IK: variants seen among roughly 807,000 people sequenced by gnomAD.
IK encodes IK cytokine, also known as protein Red.
In IK, 47 loss-of-function variants were observed where a neutral mutation model predicts 90.9. The ratio of observed to expected loss-of-function variants is 0.52; its 90% CI spans 0.41 to 0.66. The LOEUF (loss-of-function observed/expected upper bound fraction) is 0.66, where lower values mean the gene tolerates loss of function less well. Ranked by LOEUF, IK falls within the 30% of genes least tolerant of loss-of-function variation. The pLI is 0.00. For synonymous variants in IK, 201 were observed against 227.5 expected (o/e 0.88, Z 1.05); for missense variants, 385 against 709.3 (o/e 0.54, Z 5.19).
At chr5:140,654,088 C>T (rs764575864) in intron 6 of IK, 36 bp downstream of exon 6, 15 of 1,181,064 alleles carry the variant, frequency 1.3e-5, no homozygotes, top group Admixed American at 1.2e-4. Flanking sequence ...GTAATACTGT[C>T]GTGCTGAATG....
chr5:140,661,490 A>G lies in IK; in HGVS notation c.1414-130A>G. On this transcript the variant is annotated intron_variant, in intron 16 of 19. Coordinates refer to ENST00000417647, the MANE Select transcript of IK (RefSeq NM_006083.4). The surrounding 1 kb of genome is among the most constrained non-coding windows in gnomAD (Gnocchi z 4.2). ...AAGTATGTAATAAGCATTTATTATTACTTATCAGGGTATGATTTATGAATT... is the reference window on the plus strand; with the variant it reads ...AAGTATGTAATAAGCATTTATTATTGCTTATCAGGGTATGATTTATGAATT... The G allele has an allele frequency of 1.6e-6, 1 of 640,300 alleles. No individual in the cohort carries two copies. 39.7% of individuals were successfully genotyped at this position (640,300 alleles called of 1,614,324 possible). A position where few individuals can be genotyped will look rare whatever the true frequency, so the allele number is the denominator to read the frequency against.
intron 6 of IK, 28 bp downstream of exon 6, chr5:140,654,080 A>G: frequency 7.7e-7 from 1 of 1,297,660 alleles, no homozygotes; most frequent in Non-Finnish European, 1.1e-6. Flanking sequence ...GGTGGGGAGT[A>G]ATACTGTCGT....
rs149950597 is a variant in IK at position 140,657,681 on chromosome 5, A to G, written c.910+19A>G. 2.2e-4 allele frequency: 330 copies of G among 1,534,558 alleles called. No individual in the cohort carries two copies. In the African/African-American group the frequency reaches 4.1e-3, roughly 19 times the overall value. On this transcript the variant is annotated intron_variant, in intron 10 of 19. Transcript: ENST00000417647. ...GATAAAGGTACCTGGAGGGTTAGAG[A>G]GAGAAGCCTTACCCACAGAGGACGT...
In IK at chr5:140,651,997, T is replaced by C; in HGVS notation, c.177-91T>C. ...GAAAGTGTTACTTTGATCAGTATTC[T>C]AGGTCTTTCTAAAAATCCTCAAGGA... is the stretch of plus-strand genomic sequence containing the variant. On this transcript the variant is annotated intron_variant, in intron 3 of 19. Coordinates refer to ENST00000417647, the MANE Select transcript of IK (RefSeq NM_006083.4). The C allele has an allele frequency of 4.0e-6, 4 of 1,003,004 alleles. No homozygotes were observed. In the South Asian group the frequency reaches 5.1e-5, roughly 13 times the overall value. The allele number at this position is 1,003,004 out of a possible 1,614,324, so 62.1% of individuals were successfully genotyped here.
chr5:140,657,667 C>G lies in IK; in HGVS notation c.910+5C>G. ...AGCTTAAGAAGAAGGATAAAGGTAC[C>G]TGGAGGGTTAGAGAGAGAAGCCTTA... On this transcript the variant is annotated splice_donor_5th_base_variant and intron_variant, in intron 10 of 19. Coordinates refer to ENST00000417647, the MANE Select transcript of IK (RefSeq NM_006083.4). The G allele has an allele frequency of 1.9e-6, 3 of 1,588,340 alleles. No individual in the cohort carries two copies. Among genetic ancestry groups the G allele is most frequent in the Non-Finnish European group, 2.6e-6 (3 of 1,157,836 alleles).
At position 140,652,971 on chromosome 5, in the gene IK, T is replaced by C; in HGVS notation, c.237-6T>C. 1 of 1,612,842 alleles carries C rather than the reference T, an allele frequency of 6.2e-7. No homozygotes were observed. On this transcript the variant is annotated splice_polypyrimidine_tract_variant and splice_region_variant and intron_variant, in intron 4 of 19. Coordinates refer to ENST00000417647, the MANE Select transcript of IK (RefSeq NM_006083.4). ...GCCTTATACATTTGCCTTTCTCTGG[T>C]CACAGTTATTATGCCAAGCTACGCC...
intron 9 of IK, 124 bp from the exon 10 acceptor site, chr5:140,657,430 A>G: frequency 1.5e-6 from 1 of 649,986 alleles, no homozygotes. Context: ...CTTTCACAGC[A>G]CTTCGTTTCC....
intron 1 of IK, 97 bp from the exon 2 acceptor site, chr5:140,648,370 TCTAA>T: frequency 1.9e-6 from 2 of 1,032,104 alleles, no homozygotes; most frequent in Non-Finnish European, 3.1e-6. Flanking sequence ...CTGTCGCTGT[TCTAA>T]CTTTTGTTCT....
intron 15 of IK, 94 bp downstream of exon 15, chr5:140,660,289 C>CTTTTTTTTTTTTTTT (rs1387044855): frequency 2.8e-5 from 8 of 282,812 alleles, no homozygotes; most frequent in African/African-American, 6.2e-5. Context: ...CCCAGGGCTA[C>CTTTTTTTTTTTTTTT]TTCTTTTTTT....
At position 140,659,137 on chromosome 5, in the gene IK, CT is replaced by C; in HGVS notation, c.1152del (p.Phe384LeufsTer6). 6.3e-7 allele frequency: 1 copy of C among 1,593,366 alleles called. No homozygotes were observed. The highest frequency in any genetic ancestry group is 8.5e-7 in the Non-Finnish European group (1 of 1,169,684). Reference protein sequence around the residue: ...REEEKKRHSYFEKPKVDDEPM... With the variant: ...REEEKKRHSYXEKPKVDDEPM... ...AAGAGGAAAAGAAGAGACACAGCTA[CT>C]TTGAGAAGCCAAAAGTAGATGATGA... On this transcript the variant is annotated frameshift_variant, in exon 12 of 20. Coordinates refer to ENST00000417647, the MANE Select transcript of IK (RefSeq NM_006083.4). LOFTEE classifies it high-confidence loss of function.
chr5:140,649,743 G>A (rs1050181585), intron 2 of IK, among the ~76,000 whole-genome samples: 6 of 151,958 alleles, frequency 3.9e-5, no homozygotes, highest in South Asian at 2.1e-4. Context: ...ATGTTGGCCA[G>A]GCTGGTCTTG....
At chr5:140,648,008 G>GTA in intron 1 of IK, 84 bp downstream of exon 1, 2 of 592,370 alleles carry the variant, frequency 3.4e-6, no homozygotes, top group Non-Finnish European at 5.8e-6. Context: ...CTTAAGCCGG[G>GTA]TGTGTGTGTG....
chr5:140,654,705 A>G lies in IK; in HGVS notation c.615A>G (p.Lys205=). 1.2e-6 allele frequency: 2 copies of G among 1,604,218 alleles called. No individual in the cohort carries two copies. The change falls in exon 8 of 20, where the codon AAA becomes AAG. Residue 205 remains lysine (K), a synonymous_variant. Coordinates refer to ENST00000417647, the MANE Select transcript of IK (RefSeq NM_006083.4). ...ETKKDEDPEN[K]IEFKTRLGRN... ...GGAAAGATGAGGATCCTGAAAATAAAATTGAATTTAAAACACGTCTGGGTG... is the reference window on the plus strand; with the variant it reads ...GGAAAGATGAGGATCCTGAAAATAAGATTGAATTTAAAACACGTCTGGGTG...
At position 140,653,150 on chromosome 5, in the gene IK, T is replaced by C; in HGVS notation, c.404+6T>C. 6.2e-7 allele frequency: 1 copy of C among 1,612,248 alleles called. No individual in the cohort carries two copies. The highest frequency in any genetic ancestry group is 8.5e-7 in the Non-Finnish European group (1 of 1,178,730). ...GTTGGCCCCACTGCTGAGGCGTGAG[T>C]ACTGAGGGAACAGGGCATGGTTCCC... On this transcript the variant is annotated splice_donor_region_variant and intron_variant, in intron 5 of 19. Transcript: ENST00000417647.
intron 6 of IK, among the ~76,000 whole-genome samples, 162 bp downstream of exon 6, chr5:140,654,214 C>T (rs1244814969): frequency 6.6e-6 from 1 of 152,208 alleles, no homozygotes; most frequent in Non-Finnish European, 1.5e-5. Context: ...CTTCAAGTAT[C>T]AGGCCAAATT....
At chr5:140,651,222 T>C (rs998869142) in intron 2 of IK, among the ~76,000 whole-genome samples, 6 of 151,978 alleles carry the variant, frequency 3.9e-5, no homozygotes, top group Non-Finnish European at 2.9e-5. Context: ...GAGGCTGAGG[T>C]GGGCAGATCA....
chr5:140,654,089 G>C, intron 6 of IK, 37 bp downstream of exon 6: 1 of 1,174,956 alleles, frequency 8.5e-7, no homozygotes, highest in Non-Finnish European at 1.3e-6. Flanking sequence ...TAATACTGTC[G>C]TGCTGAATGC....
In IK at chr5:140,655,868, A is replaced by G; in HGVS notation, c.677A>G (p.Tyr226Cys). ...VYRMLFKSKA[Y>C]ERNELFLPGR... ...CGAATGCTTTTTAAGAGCAAAGCATATGAGCGGAATGAGTTGTTCCTGCCG... is the reference window on the plus strand; with the variant it reads ...CGAATGCTTTTTAAGAGCAAAGCATGTGAGCGGAATGAGTTGTTCCTGCCG... Residue 226 changes from tyrosine (Y) to cysteine (C), a missense_variant, in exon 9 of 20, where the codon TAT becomes TGT. Physicochemically the swap from Tyr to Cys is radical, Grantham distance 194. Transcript: ENST00000417647. The G allele has an allele frequency of 1.2e-6, 2 of 1,608,780 alleles. No individual in the cohort carries two copies. The highest frequency in any genetic ancestry group is 1.7e-5 in the Admixed American group (1 of 59,320).
rs1757770320 is a variant in IK at position 140,659,760 on chromosome 5, T to C, written c.1200T>C (p.Pro400=). Residue 400 remains proline, a synonymous_variant, in exon 14 of 20, where the codon CCT becomes CCC. Transcript: ENST00000417647. ...DDEPMDVDKG[P]GSTKELIKSI... ...CTGAGTTCTCTTTTCTCCTAGGACC[T>C]GGGTCTACCAAGGAGTTGATCAAGT... 1 of 1,590,688 alleles carries C rather than the reference T, an allele frequency of 6.3e-7. No individual in the cohort carries two copies. The highest frequency in any genetic ancestry group is 8.6e-7 in the Non-Finnish European group (1 of 1,167,212).
Sources: allele counts gnomAD v4.1 joint callset (sites outside exome capture counted in the v4.1 genomes callset), GRCh38; gene constraint gnomAD v4.1.1; non-coding constraint Gnocchi (gnomAD v3.1); transcripts MANE v1.5; gene names NCBI Gene and HGNC (gene_info 2026-07-23, HGNC 2026-07-21).